Variants in METRNL observed in about 807,000 individuals in gnomAD.
METRNL encodes meteorin like, glial cell differentiation regulator.
METRNL carries 9 observed loss-of-function variants against 17.4 expected under a neutral mutation model. That is an observed-to-expected ratio of 0.52 (90% confidence interval 0.31 to 0.90). The LOEUF (loss-of-function observed/expected upper bound fraction) is 0.90, where lower values mean the gene tolerates loss of function less well. Ranked by LOEUF, METRNL falls within the 40% of genes least tolerant of loss-of-function variation. The pLI is 0.05. For missense variants in METRNL, 408 were observed against 430.7 expected (o/e 0.95, Z 0.47); for synonymous variants, 215 against 199.3 (o/e 1.08, Z -0.66).
chr17:83,079,870 C>T lies in METRNL; in HGVS notation c.55C>T (p.Pro19Ser), dbSNP rs1378822880. 4 of 972,458 alleles carry T rather than the reference C, an allele frequency of 4.1e-6. No homozygotes were observed. The African/African-American group carries it at 5.3e-5, about 13-fold the overall frequency. The allele number at this position is 972,458 out of a possible 1,614,324, so 60.2% of individuals were successfully genotyped here. ...GCGCGCGGGGCAGCCGTGGCCGCGA[C>T]CCCCCGCCCCGGGCCCGCCCCCGCC... ...WGRAGQPWPRPPAPGPPPPPL... is the reference protein window; with the variant it reads ...WGRAGQPWPRSPAPGPPPPPL... Residue 19 changes from proline (P) to serine (S), a missense_variant, in exon 1 of 4, where the codon CCC (proline) becomes TCC (serine). Transcript: ENST00000320095.
intron 2 of METRNL, among the ~76,000 whole-genome samples, chr17:83,090,855 C>T (rs542335842): frequency 1.3e-5 from 2 of 152,020 alleles, no homozygotes; most frequent in Non-Finnish European, 2.9e-5. Flanking sequence ...TTGTTGCTTC[C>T]GGACGTGAGT....
intron 2 of METRNL, among the ~76,000 whole-genome samples, chr17:83,085,749 C>G (rs559154226): frequency 6.6e-6 from 1 of 152,318 alleles, no homozygotes; most frequent in Non-Finnish European, 1.5e-5. Flanking sequence ...AGTGCTGGGT[C>G]GGACGCGCCC....
chr17:83,081,660 A>ACCCCCCCCCACACACACACAGGGGACC (rs201259865), intron 1 of METRNL, among the ~76,000 whole-genome samples: 1 of 144,786 alleles, frequency 6.9e-6, no homozygotes, highest in Admixed American at 6.9e-5. Flanking sequence ...CCCAGAGGGG[A>ACCCCCCCCCACACACACACAGGGGACC]CCCCCCCACA....
chr17:83,084,885 T>A (rs2038031498), intron 1 of METRNL, 53 bp from the exon 2 acceptor site: 8 of 1,557,456 alleles, frequency 5.1e-6, no homozygotes, highest in East Asian at 4.5e-5. Flanking sequence ...TGGGTGCGGG[T>A]GGGGTGTGTG....
rs991700144 is a variant in METRNL at position 83,084,668 on chromosome 17, C to G, written c.171-270C>G. ...CTGGAGGGCCTGGGGACAAGCACCG[C>G]CTGCACTCCCGGGAGCTCGGCCCCG... On this transcript the variant is annotated intron_variant, in intron 1 of 3. Coordinates refer to ENST00000320095, the MANE Select transcript of METRNL (RefSeq NM_001004431.3). The G allele has an allele frequency of 7.6e-6, 4 of 528,374 alleles. No individual in the cohort carries two copies. In the African/African-American group the frequency reaches 7.7e-5, roughly 10 times the overall value. The allele number at this position is 528,374 out of a possible 1,614,324, so 32.7% of individuals were successfully genotyped here. A position where few individuals can be genotyped will look rare whatever the true frequency, so the allele number is the denominator to read the frequency against.
chr17:83,090,205 C>T (rs1178124992), intron 2 of METRNL, among the ~76,000 whole-genome samples: 1 of 98,262 alleles, frequency 1.0e-5, no homozygotes, highest in Middle Eastern at 6.3e-3. Context: ...GCCACACACC[C>T]CCGCCCCGCC....
In METRNL at chr17:83,091,675, C is replaced by T. The variant is rs539968770; in HGVS notation, c.557-1492C>T. Among the ~76,000 whole-genome samples the T allele has an allele frequency of 6.6e-5, 10 of 152,304 alleles. No individual in the cohort carries two copies. The East Asian group carries it at 1.5e-3, about 24-fold the overall frequency. On this transcript the variant is annotated intron_variant, in intron 2 of 3. Coordinates refer to ENST00000320095, the MANE Select transcript of METRNL (RefSeq NM_001004431.3). ...CTCACTTCAGCCCAGCAAGGGCAGC[C>T]GGCCAGGGGTGCAGACGGCGTTAGC...
chr17:83,091,500 G>T (rs1022105392), intron 2 of METRNL, among the ~76,000 whole-genome samples: 6 of 152,218 alleles, frequency 3.9e-5, no homozygotes, highest in Admixed American at 6.5e-5. Flanking sequence ...GGCCCTGAGG[G>T]TCCATGTAAG....
chr17:83,089,969 G>A (rs527894108), intron 2 of METRNL, among the ~76,000 whole-genome samples: 3 of 151,912 alleles, frequency 2.0e-5, no homozygotes, highest in Admixed American at 1.3e-4. Context: ...CCCAGGGCAC[G>A]TGAGGGCAGC....
Position 83,094,811 on chromosome 17 carries a change from T to G in METRNL, c.*236T>G, listed in dbSNP as rs1210482004. 1.3e-5 allele frequency: 5 copies of G among 395,310 alleles called. No homozygotes were observed. The highest frequency in any genetic ancestry group is 6.2e-5 in the African/African-American group (3 of 48,544). 24.5% of individuals were successfully genotyped at this position (395,310 alleles called of 1,614,324 possible). The stretch of plus-strand genomic sequence containing the variant: ...AAAATGCAAACTAAGTTATTATATT[T>G]TTTTTTGGTAAAAAAGAAATGTCCA... On this transcript the variant is annotated 3_prime_UTR_variant, in exon 4 of 4. Coordinates refer to ENST00000320095, the MANE Select transcript of METRNL (RefSeq NM_001004431.3).
Position 83,094,356 on chromosome 17 carries a change from C to G in METRNL, c.717C>G (p.Val239=). The G allele has an allele frequency of 2.5e-6, 4 of 1,610,878 alleles. No homozygotes were observed. Among genetic ancestry groups the G allele is most frequent in the Non-Finnish European group, 8.5e-7 (1 of 1,178,562 alleles). ...GACTCTATCGGCAGAAAAGCAGGGT[C>G]TTCGAGCCGGTGCCCGAGGGTGACG... ...VSRLYRQKSR[V]FEPVPEGDGH... The change falls in exon 4 of 4, where the codon GTC becomes GTG. Residue 239 remains valine, a synonymous_variant. Transcript: ENST00000320095.
At chr17:83,081,330 C>A (rs1047813215) in intron 1 of METRNL, among the ~76,000 whole-genome samples, 1 of 152,054 alleles carries the variant, frequency 6.6e-6, no homozygotes, top group African/African-American at 2.4e-5. Context: ...AGGCCCGGGG[C>A]GTTCCGCTCC....
At chr17:83,091,344 C>T (rs567500776) in intron 2 of METRNL, among the ~76,000 whole-genome samples, 19 of 152,332 alleles carry the variant, frequency 1.2e-4, no homozygotes, top group East Asian at 9.7e-4. Context: ...GCACTGAGCC[C>T]GGCTGGGAGG....
At chr17:83,090,913 C>G (rs982520793) in intron 2 of METRNL, among the ~76,000 whole-genome samples, 4 of 152,086 alleles carry the variant, frequency 2.6e-5, no homozygotes, top group Admixed American at 2.6e-4. Flanking sequence ...TGCATCAGGC[C>G]CAGCATGGTC....
intron 2 of METRNL, among the ~76,000 whole-genome samples, chr17:83,090,122 A>G (rs955430239): frequency 1.3e-5 from 2 of 150,304 alleles, no homozygotes; most frequent in Non-Finnish European, 3.0e-5. Context: ...CCCCTGCCCC[A>G]GGGTGGGAGC....
At position 83,094,481 on chromosome 17, in the gene METRNL, G is replaced by A. The variant is rs2038179108; in HGVS notation, c.842G>A (p.Arg281Gln). Residue 281 changes from arginine (R) to glutamine (Q), a missense_variant, in exon 4 of 4, where the codon CGG becomes CAG. Coordinates refer to ENST00000320095, the MANE Select transcript of METRNL (RefSeq NM_001004431.3). ...FTGHMHFGEARLGCAPRFKDF... is the reference protein window; with the variant it reads ...FTGHMHFGEAQLGCAPRFKDF... ...GGCCACATGCACTTCGGGGAGGCGC[G>A]GCTCGGCTGTGCCCCACGCTTCAAG... is the stretch of plus-strand genomic sequence containing the variant. The A allele has an allele frequency of 5.1e-6, 8 of 1,581,538 alleles. No individual in the cohort carries two copies. The highest frequency in any genetic ancestry group is 1.1e-5 in the South Asian group (1 of 88,098).
In METRNL at chr17:83,085,167, G is replaced by C; in HGVS notation, c.400G>C (p.Gly134Arg). 7 of 1,612,470 alleles carry C rather than the reference G, an allele frequency of 4.3e-6. No individual in the cohort carries two copies. Among genetic ancestry groups the C allele is most frequent in the Non-Finnish European group, 5.9e-6 (7 of 1,179,274 alleles). ...TGELRLLVPD[G>R]DGRPGRVQCF... is the part of the protein sequence containing the mutation. ...AGAACTGAGACTGCTGGTACCAGACGGGGACGGCAGGCCCGGCCGGGTGCA... is the reference window on the plus strand; with the variant it reads ...AGAACTGAGACTGCTGGTACCAGACCGGGACGGCAGGCCCGGCCGGGTGCA... The change falls in exon 2 of 4, where the codon GGG (glycine) becomes CGG (arginine). Residue 134 changes from glycine (G) to arginine (R), a missense_variant. By Grantham distance (125) the Gly-to-Arg change is moderately radical. Transcript: ENST00000320095.
At chr17:83,088,382 G>GGGGC (rs1244629041) in intron 2 of METRNL, among the ~76,000 whole-genome samples, 4 of 152,198 alleles carry the variant, frequency 2.6e-5, no homozygotes, top group East Asian at 1.9e-4. Context: ...AATGTGGGTG[G>GGGGC]GGGCTGTCTG....
At position 83,094,647 on chromosome 17, in the gene METRNL, C is replaced by T. The variant is rs1480378109; in HGVS notation, c.*72C>T. On this transcript the variant is annotated 3_prime_UTR_variant, in exon 4 of 4. Coordinates refer to ENST00000320095, the MANE Select transcript of METRNL (RefSeq NM_001004431.3). ...GTGGGCGCTGCGGTCCTGGTGGGGC[C>T]GTGCGGTGAGGGCCGCGCGCTGGGA... The T allele has an allele frequency of 1.4e-5, 18 of 1,302,944 alleles. No homozygotes were observed. The highest frequency in any genetic ancestry group is 3.8e-4 in the Middle Eastern group (2 of 5,222). 80.7% of individuals were successfully genotyped at this position (1,302,944 alleles called of 1,614,324 possible). A position where few individuals can be genotyped will look rare whatever the true frequency, so the allele number is the denominator to read the frequency against.
Sources: gnomAD v4.1 joint callset for allele counts (sites outside exome capture counted in the v4.1 genomes callset) on GRCh38, gnomAD v4.1.1 for gene constraint, MANE v1.5 for transcripts, NCBI Gene and HGNC (gene_info 2026-07-23, HGNC 2026-07-21) for gene names.